ZNF891: variants seen among roughly 807,000 people sequenced by gnomAD.
ZNF891 encodes hCG1646157.
For missense variants in ZNF891, 589 were observed against 632.7 expected, an observed-to-expected ratio of 0.93 and a Z score of 0.74; for synonymous variants, 199 against 209.0, an observed-to-expected ratio of 0.95 and a Z score of 0.41.
intron 1 of ZNF891, among the ~76,000 whole-genome samples, chr12:133,127,118 C>T (rs1483113590): frequency 1.3e-5 from 2 of 151,612 alleles, no homozygotes; most frequent in East Asian, 2.0e-4. Context: ...CGCCGGCCAC[C>T]ACGCCCGGCT....
intron 1 of ZNF891, among the ~76,000 whole-genome samples, chr12:133,128,678 G>A (rs112204145): frequency 0.017 from 2,591 of 151,790 alleles, 66 homozygotes; most frequent in African/African-American, 0.06. Flanking sequence ...TGGATTAGCC[G>A]GGCGTGGTGG....
chr12:133,128,604 C>T lies in ZNF891; in HGVS notation c.-107+1623G>A, dbSNP rs573492775. On this transcript the variant is annotated intron_variant, in intron 1 of 1. Transcript: ENST00000537226. ...AGCAGAGATCCTGCCATTGCATTCC[C>T]GCCTGGGCGAGAGAGAGAGACTCTG... Among the ~76,000 whole-genome samples, 11 of 152,040 alleles carry T rather than the reference C, an allele frequency of 7.2e-5. No individual in the cohort carries two copies. In the East Asian group the frequency reaches 1.7e-3, roughly 24 times the overall value.
chr12:133,118,320 T>C lies in ZNF891; in HGVS notation c.*1964A>G, dbSNP rs1051984905. The stretch of plus-strand genomic sequence containing the variant: ...TCTTGTTTTCCTCTTATCTCTCTAC[T>C]ATAGTTCCTTTAAATGTATGTCTTC... On this transcript the variant is annotated 3_prime_UTR_variant, in exon 2 of 2. Transcript: ENST00000537226. 3.9e-5 allele frequency: 6 copies of C among 152,240 alleles called. No individual in the cohort carries two copies. The highest frequency in any genetic ancestry group is 1.4e-4 in the African/African-American group (6 of 41,464). The allele number at this position is 152,240 out of a possible 1,614,324, so 9.4% of individuals were successfully genotyped here.
In ZNF891 at chr12:133,105,486, C is replaced by T; in HGVS notation, c.*14798G>A. 4.6e-6 allele frequency: 7 copies of T among 1,529,666 alleles called. No individual in the cohort carries two copies. Among genetic ancestry groups the T allele is most frequent in the East Asian group, 2.3e-5 (1 of 44,296 alleles). 94.8% of individuals were successfully genotyped at this position (1,529,666 alleles called of 1,614,324 possible). ...ATTCAATACAGGAAAAAGAAACATT[C>T]ACTTTTTTTTTGGTATCTTTCAGTT... On this transcript the variant is annotated 3_prime_UTR_variant, in exon 2 of 2. Transcript: ENST00000537226.
intron 1 of ZNF891, among the ~76,000 whole-genome samples, chr12:133,123,132 C>T (rs1955780994): frequency 6.6e-6 from 1 of 152,110 alleles, no homozygotes; most frequent in Non-Finnish European, 1.5e-5. Context: ...CAATAGAACT[C>T]AGTTTTAATG....
In ZNF891 at chr12:133,129,931, G is replaced by C. The variant is rs545460968; in HGVS notation, c.-107+296C>G. 1.2e-4 allele frequency among the ~76,000 whole-genome samples: 18 copies of C among 152,274 alleles called. No individual in the cohort carries two copies. In the South Asian group the frequency reaches 3.1e-3, roughly 26 times the overall value. Reference sequence around the variant, plus strand: ...CTTTAGCCCTCCCGTGTTGCTTAGAGAAGGAGGCAAACGCGCATCCCCGGC... The same window carrying C: ...CTTTAGCCCTCCCGTGTTGCTTAGACAAGGAGGCAAACGCGCATCCCCGGC... On this transcript the variant is annotated intron_variant, in intron 1 of 1. Transcript: ENST00000537226.
Position 133,117,007 on chromosome 12 carries a change from CT to C in ZNF891, c.*3276del, listed in dbSNP as rs1414696907. 9 of 152,230 alleles carry C rather than the reference CT, an allele frequency of 5.9e-5. No homozygotes were observed. Among genetic ancestry groups the C allele is most frequent in the African/African-American group, 2.2e-4 (9 of 41,452 alleles). 9.4% of individuals were successfully genotyped at this position (152,230 alleles called of 1,614,324 possible). On this transcript the variant is annotated 3_prime_UTR_variant, in exon 2 of 2. Coordinates refer to ENST00000537226, the MANE Select transcript of ZNF891 (RefSeq NM_001277291.2). ...ACCATCTAGTTATACCACTTTCTCC[CT>C]CTCTTCCTTGCTATCTTTTATTTAA...
At position 133,128,605 on chromosome 12, in the gene ZNF891, G is replaced by A. The variant is rs143852856; in HGVS notation, c.-107+1622C>T. On this transcript the variant is annotated intron_variant, in intron 1 of 1. Coordinates refer to ENST00000537226, the MANE Select transcript of ZNF891 (RefSeq NM_001277291.2). Reference sequence around the variant, plus strand: ...GCAGAGATCCTGCCATTGCATTCCCGCCTGGGCGAGAGAGAGAGACTCTGT... The same window carrying A: ...GCAGAGATCCTGCCATTGCATTCCCACCTGGGCGAGAGAGAGAGACTCTGT... 2.5e-3 allele frequency among the ~76,000 whole-genome samples: 386 copies of A among 152,256 alleles called. 1 individual carries two copies. The highest frequency in any genetic ancestry group is 8.9e-3 in the African/African-American group (368 of 41,554).
rs1278120394 is a variant in ZNF891 at position 133,118,002 on chromosome 12, A to C, written c.*2282T>G. On this transcript the variant is annotated 3_prime_UTR_variant, in exon 2 of 2. Transcript: ENST00000537226. The stretch of plus-strand genomic sequence containing the variant: ...CTGCTCTGTCACCAGGCTGGAGTGC[A>C]GTGGTGAGATCTCATCTCACTGCAA... 2.2e-5 allele frequency: 3 copies of C among 138,480 alleles called. No individual in the cohort carries two copies. The Admixed American group carries it at 2.4e-4, about 11-fold the overall frequency. 8.6% of individuals were successfully genotyped at this position (138,480 alleles called of 1,614,324 possible). A position where few individuals can be genotyped will look rare whatever the true frequency, so the allele number is the denominator to read the frequency against.
intron 1 of ZNF891, among the ~76,000 whole-genome samples, chr12:133,129,434 G>C (rs1360821658): frequency 1.3e-5 from 2 of 151,036 alleles, no homozygotes; most frequent in African/African-American, 4.9e-5. Flanking sequence ...CCGGGAGGCG[G>C]AGGTTGCTGT....
At position 133,120,677 on chromosome 12, in the gene ZNF891, G is replaced by A. The variant is rs752758510; in HGVS notation, c.1242C>T (p.Gly414=). ...YECNQCGKSF[G]TSSYLIVHKR... is the part of the protein sequence containing the mutation. ...TGTGCACTATAAGGTAAGAGCTTGT[G>A]CCAAAGGATTTTCCACACTGATTAC... Residue 414 remains glycine, a synonymous_variant, in exon 2 of 2, where the codon GGC becomes GGT. Transcript: ENST00000537226. 4 of 1,558,380 alleles carry A rather than the reference G, an allele frequency of 2.6e-6. No homozygotes were observed. Among genetic ancestry groups the A allele is most frequent in the Admixed American group, 1.9e-5 (1 of 51,662 alleles).
intron 1 of ZNF891, among the ~76,000 whole-genome samples, chr12:133,129,227 T>G (rs953079559): frequency 6.6e-5 from 10 of 151,884 alleles, no homozygotes; most frequent in African/African-American, 2.2e-4. Flanking sequence ...CAGGGCCGGG[T>G]GCGGTGGCTC....
At position 133,106,528 on chromosome 12, in the gene ZNF891, A is replaced by G; in HGVS notation, c.*13756T>C. On this transcript the variant is annotated 3_prime_UTR_variant, in exon 2 of 2. Coordinates refer to ENST00000537226, the MANE Select transcript of ZNF891 (RefSeq NM_001277291.2). ...GAGAGAAACCCTATGTATGTAAGGT[A>G]TGCAACAAATCCTTCAGCTGGAGCT... 1 of 1,614,098 alleles carries G rather than the reference A, an allele frequency of 6.2e-7. No homozygotes were observed. The highest frequency in any genetic ancestry group is 1.3e-5 in the African/African-American group (1 of 75,076).
At position 133,109,645 on chromosome 12, in the gene ZNF891, A is replaced by G. The variant is rs1202891734; in HGVS notation, c.*10639T>C. On this transcript the variant is annotated 3_prime_UTR_variant, in exon 2 of 2. Coordinates refer to ENST00000537226, the MANE Select transcript of ZNF891 (RefSeq NM_001277291.2). ...CTGAGCTAAAATATCCTTCAGAAAT[A>G]AAGATGTTTCAGAATAAAAATAGAG... 6.6e-6 allele frequency: 1 copy of G among 152,210 alleles called. No individual in the cohort carries two copies. Among genetic ancestry groups the G allele is most frequent in the African/African-American group, 2.4e-5 (1 of 41,450 alleles). 9.4% of individuals were successfully genotyped at this position (152,210 alleles called of 1,614,324 possible). A position where few individuals can be genotyped will look rare whatever the true frequency, so the allele number is the denominator to read the frequency against.
chr12:133,121,502 T>C lies in ZNF891; in HGVS notation c.417A>G (p.Lys139=), dbSNP rs115130252. 1.1e-3 allele frequency: 1,635 copies of C among 1,536,236 alleles called. 19 individuals carry two copies. In the African/African-American group the frequency reaches 0.02, roughly 19 times the overall value. ...ILWEEPSNAV[K]MIKLTMHNWS... is the part of the protein sequence containing the mutation. ...AATTATGCATTGTGAGTTTTATCAT[T>C]TTCACTGCATTGGATGGTTCCTCCC... The change falls in exon 2 of 2, where the codon AAA becomes AAG. Residue 139 remains lysine, a synonymous_variant. Coordinates refer to ENST00000537226, the MANE Select transcript of ZNF891 (RefSeq NM_001277291.2).
At chr12:133,130,090 ACCGCCGCCTCCCG>A (rs1351307704) in intron 1 of ZNF891, 124 bp downstream of exon 1, 2 of 152,302 alleles carry the variant, frequency 1.3e-5, no homozygotes, top group Non-Finnish European at 2.9e-5. Flanking sequence ...GGCCTCTCCC[ACCGCCGCCTCCCG>A]GGCAGGCTCC....
In ZNF891 at chr12:133,106,004, A is replaced by T. The variant is rs1259683879; in HGVS notation, c.*14280T>A. The T allele has an allele frequency of 6.2e-7, 1 of 1,614,162 alleles. No homozygotes were observed. The highest frequency in any genetic ancestry group is 1.7e-5 in the Admixed American group (1 of 60,018). ...ACACCAGAGAACGCACACTGGGGAG[A>T]AACCTTATGAATGTACTGAGTGTGG... On this transcript the variant is annotated 3_prime_UTR_variant, in exon 2 of 2. Coordinates refer to ENST00000537226, the MANE Select transcript of ZNF891 (RefSeq NM_001277291.2).
In ZNF891 at chr12:133,108,953, A is replaced by ATCTT. The variant is rs1317810116; in HGVS notation, c.*11327_*11330dup. ...CATACTGGATGGAATCCAGTGTCCA[A>ATCTT]TCTTTTGGCATCCCTGGGCCACATT... On this transcript the variant is annotated 3_prime_UTR_variant, in exon 2 of 2. Transcript: ENST00000537226. 6.6e-6 allele frequency: 1 copy of ATCTT among 152,184 alleles called. No individual in the cohort carries two copies. The highest frequency in any genetic ancestry group is 1.5e-5 in the Non-Finnish European group (1 of 68,028). 9.4% of individuals were successfully genotyped at this position (152,184 alleles called of 1,614,324 possible). A position where few individuals can be genotyped will look rare whatever the true frequency, so the allele number is the denominator to read the frequency against.
At position 133,108,464 on chromosome 12, in the gene ZNF891, TG is replaced by T. The variant is rs1331993190; in HGVS notation, c.*11819del. The T allele has an allele frequency of 1.3e-5, 2 of 152,198 alleles. No individual in the cohort carries two copies. Among genetic ancestry groups the T allele is most frequent in the African/African-American group, 4.8e-5 (2 of 41,448 alleles). 9.4% of individuals were successfully genotyped at this position (152,198 alleles called of 1,614,324 possible). A position where few individuals can be genotyped will look rare whatever the true frequency, so the allele number is the denominator to read the frequency against. On this transcript the variant is annotated 3_prime_UTR_variant, in exon 2 of 2. Coordinates refer to ENST00000537226, the MANE Select transcript of ZNF891 (RefSeq NM_001277291.2). ...ACTTTCCTTCCTACTGTTTACTCTG[TG>T]GGGATGCACCTCATGAACTATATCA... is the stretch of plus-strand genomic sequence containing the variant.
Sources: allele counts gnomAD v4.1 joint callset (sites outside exome capture counted in the v4.1 genomes callset), GRCh38; gene constraint gnomAD v4.1.1; transcripts MANE v1.5; gene names NCBI Gene and HGNC (gene_info 2026-07-23, HGNC 2026-07-21).